NME6: variants seen among roughly 807,000 people sequenced by gnomAD.
NME6 encodes NME/NM23 nucleoside diphosphate kinase 6.
Under a neutral mutation model 22.2 loss-of-function variants are expected in NME6, and 16 were observed. The ratio of observed to expected loss-of-function variants is 0.72; its 90% CI spans 0.49 to 1.09. The LOEUF (loss-of-function observed/expected upper bound fraction) is 1.09, where lower values mean the gene tolerates loss of function less well. Among genes scored for constraint, NME6 ranks in the 50% least tolerant of loss-of-function variants. NME6 has a pLI of 0.00. For synonymous variants in NME6, 58 were observed against 85.2 expected, an observed-to-expected ratio of 0.68 and a Z score of 1.76; for missense variants, 229 against 239.0, an observed-to-expected ratio of 0.96 and a Z score of 0.28.
chr3:48,298,534 A>C lies in NME6; in HGVS notation c.-7-11T>G, dbSNP rs373853526. 1 of 1,588,740 alleles carries C rather than the reference A, an allele frequency of 6.3e-7. No homozygotes were observed. Among genetic ancestry groups the C allele is most frequent in the African/African-American group, 1.3e-5 (1 of 74,308 alleles). On this transcript the variant is annotated splice_polypyrimidine_tract_variant and intron_variant, in intron 1 of 5. Transcript: ENST00000442597. ...GAGGCCATCTCACTCCTGCCATTAG[A>C]GAGCTGTATTAGGAACCCTTCAGGA...
intron 1 of NME6, chr3:48,300,499 CTT>C (rs2035577161): frequency 2.7e-6 from 1 of 377,352 alleles, no homozygotes; most frequent in Admixed American, 3.5e-5. Context: ...TCAGTTCCGT[CTT>C]CACCACCAGA....
At chr3:48,299,437 A>G (rs1434287793) in intron 1 of NME6, among the ~76,000 whole-genome samples, 5 of 152,014 alleles carry the variant, frequency 3.3e-5, no homozygotes, top group African/African-American at 1.2e-4. Flanking sequence ...CTTTGTCTCA[A>G]AATCTTATCT....
At position 48,294,594 on chromosome 3, in the gene NME6, TAGG is replaced by T. The variant is rs761247737; in HGVS notation, c.*40_*42del. ...AGGAGAATGTTTTAGACTAGATGTC[TAGG>T]AGAAGTCTGGGCACTACCACTGGTC... is the stretch of plus-strand genomic sequence containing the variant. On this transcript the variant is annotated 3_prime_UTR_variant, in exon 6 of 6. Transcript: ENST00000442597. 81 of 1,599,738 alleles carry T rather than the reference TAGG, an allele frequency of 5.1e-5. 1 individual carries two copies. The Middle Eastern group carries it at 3.4e-3, about 66-fold the overall frequency.
chr3:48,298,063 C>A, intron 2 of NME6: 1 of 304,372 alleles, frequency 3.3e-6, no homozygotes, highest in Non-Finnish European at 6.3e-6. Flanking sequence ...CCTTGTGAGA[C>A]CTTAAGCAAA....
In NME6 at chr3:48,295,175, G is replaced by A. The variant is rs75491421; in HGVS notation, c.294C>T (p.Leu98=). Reference sequence around the variant, plus strand: ...CTCGGAACACTCTGGTGGGTCCCATGAGCGTCCTCCAGAGCTGGATGGCAT... The same window carrying A: ...CTCGGAACACTCTGGTGGGTCCCATAAGCGTCCTCCAGAGCTGGATGGCAT... ...HKDAIQLWRT[L]MGPTRVFRAR... The change falls in exon 5 of 6, where the codon CTC becomes CTT. Residue 98 remains leucine, a synonymous_variant. Transcript: ENST00000442597. The A allele has an allele frequency of 1.1e-4, 174 of 1,614,216 alleles. No homozygotes were observed. The East Asian group carries it at 3.8e-3, about 35-fold the overall frequency.
Position 48,296,777 on chromosome 3 carries a change from T to A in NME6, c.143A>T (p.Glu48Val), listed in dbSNP as rs374372857. The change falls in exon 3 of 6, where the codon GAA becomes GTA. Residue 48 changes from glutamate (E) to valine (V), a missense_variant. Glu to Val is a moderately radical substitution (Grantham distance 121, BLOSUM62 -2). Transcript: ENST00000442597. ...GCAATCTTCCTTTCTCCACAGTAGTTCTCTCATTCGTACAATCAGGAACTT... is the reference window on the plus strand; with the variant it reads ...GCAATCTTCCTTTCTCCACAGTAGTACTCTCATTCGTACAATCAGGAACTT... ...SNKFLIVRMR[E>V]LLWRKEDCQR... 6.2e-7 allele frequency: 1 copy of A among 1,613,810 alleles called. No individual in the cohort carries two copies. Among genetic ancestry groups the A allele is most frequent in the Non-Finnish European group, 8.5e-7 (1 of 1,179,964 alleles).
chr3:48,298,610 C>T (rs867549210), intron 1 of NME6, 87 bp from the exon 2 acceptor site: 5 of 867,584 alleles, frequency 5.8e-6, no homozygotes, highest in South Asian at 1.8e-5. Context: ...TGCAAGCCAA[C>T]GAGTGCTCTC....
chr3:48,301,188 G>T (rs2035663474), intron 1 of NME6, 165 bp downstream of exon 1: 2 of 1,368,802 alleles, frequency 1.5e-6, no homozygotes, highest in Non-Finnish European at 2.0e-6. Context: ...CCGTGGCCAC[G>T]CCCTCCAGCC....
rs375318658 is a variant in NME6, at chr3:48,296,397, A to C, written c.194-239T>G. Among the ~76,000 whole-genome samples the C allele has an allele frequency of 2.8e-4, 43 of 152,250 alleles. No individual in the cohort carries two copies. In the East Asian group the frequency reaches 5.0e-3, roughly 18 times the overall value. On this transcript the variant is annotated intron_variant, in intron 3 of 5. Transcript: ENST00000442597. Reference sequence around the variant, plus strand: ...TAATCTGCGTACGAGGGATATAACAACACCTACTTTTTAGGGTTGTTGGGA... The same window carrying C: ...TAATCTGCGTACGAGGGATATAACACCACCTACTTTTTAGGGTTGTTGGGA...
downstream of NME6, among the ~76,000 whole-genome samples, chr3:48,288,968 G>A (rs571515745): frequency 6.6e-6 from 1 of 152,292 alleles, no homozygotes; most frequent in South Asian, 2.1e-4. Context: ...TGGTGAGAGA[G>A]GACACTGAAG....
rs899815700 is a variant in NME6 at position 48,299,084 on chromosome 3, C to T, written c.-7-561G>A. The T allele has an allele frequency of 1.5e-5, 10 of 663,668 alleles. No homozygotes were observed. In the African/African-American group the frequency reaches 1.6e-4, roughly 11 times the overall value. 41.1% of individuals were successfully genotyped at this position (663,668 alleles called of 1,614,324 possible). ...TATGGAGAGATCAGGATCTCCTGTGCCCAAATCAAACCTGTTAATACACTC... is the reference window on the plus strand; with the variant it reads ...TATGGAGAGATCAGGATCTCCTGTGTCCAAATCAAACCTGTTAATACACTC... On this transcript the variant is annotated intron_variant, in intron 1 of 5. Coordinates refer to ENST00000442597, the MANE Select transcript of NME6 (RefSeq NM_001308426.2).
At chr3:48,296,331 G>A (rs2035099538) in intron 3 of NME6, 173 bp from the exon 4 acceptor site, 2 of 829,840 alleles carry the variant, frequency 2.4e-6, no homozygotes, top group African/African-American at 1.7e-5. Flanking sequence ...TACAACCTGC[G>A]TAGTTTTGGG....
In NME6 at chr3:48,296,160, T is replaced by C. The variant is rs2035075459; in HGVS notation, c.194-2A>G. On this transcript the variant is annotated splice_acceptor_variant, in intron 3 of 5. Coordinates refer to ENST00000442597, the MANE Select transcript of NME6 (RefSeq NM_001308426.2). LOFTEE classifies it high-confidence loss of function. Reference sequence around the variant, plus strand: ...CCAGCCTCTGATAGAAAAAACGCCCTGCAAAGAGAGAGGACCTTCATCAAG... The same window carrying C: ...CCAGCCTCTGATAGAAAAAACGCCCCGCAAAGAGAGAGGACCTTCATCAAG... 2.5e-6 allele frequency: 4 copies of C among 1,614,072 alleles called. No individual in the cohort carries two copies. Among genetic ancestry groups the C allele is most frequent in the Non-Finnish European group, 8.5e-7 (1 of 1,180,020 alleles).
downstream of NME6, chr3:48,291,308 C>A: frequency 2.2e-6 from 1 of 460,968 alleles, no homozygotes; most frequent in Non-Finnish European, 4.3e-6. Flanking sequence ...TTCTTTAAGC[C>A]TGTGATATCA....
chr3:48,295,921 T>C, intron 4 of NME6, 198 bp downstream of exon 4: 1 of 597,372 alleles, frequency 1.7e-6, no homozygotes, highest in East Asian at 2.9e-5. Flanking sequence ...TTCACCACAT[T>C]GGCCAGGCTG....
chr3:48,294,265 G>A lies in NME6; in HGVS notation c.*372C>T, dbSNP rs962801005. ...ATTGTTGTATTTTTAGTAGAGATGG[G>A]GTTTCACCATGTTGGTCAGGCTGGT... is the stretch of plus-strand genomic sequence containing the variant. On this transcript the variant is annotated 3_prime_UTR_variant, in exon 6 of 6. Transcript: ENST00000442597. 5.6e-6 allele frequency: 1 copy of A among 177,718 alleles called. No homozygotes were observed. The highest frequency in any genetic ancestry group is 1.4e-4 in the South Asian group (1 of 7,222). 11.0% of individuals were successfully genotyped at this position (177,718 alleles called of 1,614,324 possible).
At chr3:48,299,124 G>A in intron 1 of NME6, 1 of 569,168 alleles carries the variant, frequency 1.8e-6, no homozygotes, top group Non-Finnish European at 3.2e-6. Context: ...GTCCTCAGTG[G>A]TAACACTGAG....
chr3:48,294,809 A>G lies in NME6; in HGVS notation c.395-6T>C. On this transcript the variant is annotated splice_polypyrimidine_tract_variant and splice_region_variant and intron_variant, in intron 5 of 5. Coordinates refer to ENST00000442597, the MANE Select transcript of NME6 (RefSeq NM_001308426.2). ...GCTGGCTGAAACCACAGAGTCTGTA[A>G]GGGGAGATAAGACAGAGAAGGGGTT... The G allele has an allele frequency of 6.2e-7, 1 of 1,612,854 alleles. No homozygotes were observed. Among genetic ancestry groups the G allele is most frequent in the South Asian group, 1.1e-5 (1 of 91,052 alleles).
chr3:48,291,840 C>A (rs1439934721), downstream of NME6: 1 of 152,490 alleles, frequency 6.6e-6, no homozygotes, highest in Admixed American at 6.5e-5. Flanking sequence ...TACCTTGGCT[C>A]ACTGCAAACT....
Sources: allele counts gnomAD v4.1 joint callset (sites outside exome capture counted in the v4.1 genomes callset), GRCh38; gene constraint gnomAD v4.1.1; transcripts MANE v1.5; gene names NCBI Gene and HGNC (gene_info 2026-07-23, HGNC 2026-07-21).